SEPTIN9: variants seen among roughly 807,000 people sequenced by gnomAD.
The protein encoded by SEPTIN9 is septin-9.
In SEPTIN9, 13 loss-of-function variants were observed where a neutral mutation model predicts 56.6. The ratio of observed to expected loss-of-function variants is 0.23; its 90% CI spans 0.15 to 0.37. The LOEUF (loss-of-function observed/expected upper bound fraction) is 0.37. Ranked by LOEUF, SEPTIN9 falls within the 10% of genes least tolerant of loss-of-function variation. SEPTIN9 has a pLI of 1.00. For synonymous variants in SEPTIN9, 332 were observed against 334.1 expected, an observed-to-expected ratio of 0.99 and a Z score of 0.07; for missense variants, 650 against 823.1, an observed-to-expected ratio of 0.79 and a Z score of 2.57.
At position 77,395,910 on chromosome 17, in the gene SEPTIN9, C is replaced by T. The variant is rs909227757; in HGVS notation, c.77-6149C>T. 2.0e-5 allele frequency among the ~76,000 whole-genome samples: 3 copies of T among 152,212 alleles called. No homozygotes were observed. The South Asian group carries it at 6.2e-4, about 31-fold the overall frequency. Reference sequence around the variant, plus strand: ...AGTTTAATGCTGATGCAAATGTCCTCGTACGTAAATCTTTCTGTACTTCTG... The same window carrying T: ...AGTTTAATGCTGATGCAAATGTCCTTGTACGTAAATCTTTCTGTACTTCTG... On this transcript the variant is annotated intron_variant, in intron 2 of 11. Transcript: ENST00000427177.
At chr17:77,324,076 G>T (rs1211604177) in intron 2 of SEPTIN9, among the ~76,000 whole-genome samples, 1 of 152,208 alleles carries the variant, frequency 6.6e-6, no homozygotes, top group South Asian at 2.1e-4. Context: ...AACCCTTGGC[G>T]TTCCTTGGCT....
chr17:77,488,134 G>A (rs991241936), intron 5 of SEPTIN9, 106 bp from the exon 6 acceptor site: 1 of 1,009,396 alleles, frequency 9.9e-7, no homozygotes, highest in African/African-American at 1.6e-5. Flanking sequence ...TGTCTCCTTG[G>A]TTGTCATCGC....
chr17:77,444,860 A>G, intron 3 of SEPTIN9: 1 of 314,470 alleles, frequency 3.2e-6, no homozygotes, highest in Non-Finnish European at 6.5e-6. Flanking sequence ...GTGTAGACCT[A>G]CTTTGAGAGG....
At position 77,307,134 on chromosome 17, in the gene SEPTIN9, T is replaced by A; in HGVS notation, c.20-7T>A. ...GTGTGACCTTTGCCCTTTGTCTCTG[T>A]CTTTAGGAGGCACGCGGACCTCCAG... On this transcript the variant is annotated splice_polypyrimidine_tract_variant and splice_region_variant and intron_variant, in intron 1 of 11. Transcript: ENST00000427177. 6.2e-7 allele frequency: 1 copy of A among 1,613,872 alleles called. No individual in the cohort carries two copies. The highest frequency in any genetic ancestry group is 8.5e-7 in the Non-Finnish European group (1 of 1,179,784).
Position 77,371,776 on chromosome 17 carries a change from T to C in SEPTIN9, c.77-30283T>C, listed in dbSNP as rs2034726493. Among the ~76,000 whole-genome samples the C allele has an allele frequency of 6.6e-6, 1 of 152,334 alleles. No individual in the cohort carries two copies. The highest frequency in any genetic ancestry group is 2.1e-4 in the South Asian group (1 of 4,826). On this transcript the variant is annotated intron_variant, in intron 2 of 11. Coordinates refer to ENST00000427177, the MANE Select transcript of SEPTIN9 (RefSeq NM_001113491.2). The surrounding 1 kb of genome is among the most constrained non-coding windows in gnomAD (Gnocchi z 4.1). ...CGAGGGTGTGCACGCATCTGAAATG[T>C]CTGTGGTTTTGCAGTTCCCATGTCC... is the stretch of plus-strand genomic sequence containing the variant.
At chr17:77,393,579 T>C (rs2035612375) in intron 2 of SEPTIN9, among the ~76,000 whole-genome samples, 1 of 150,866 alleles carries the variant, frequency 6.6e-6, no homozygotes, top group East Asian at 2.0e-4. Context: ...GGGAATCTTA[T>C]TTTTTATTTA....
intron 3 of SEPTIN9, among the ~76,000 whole-genome samples, chr17:77,409,603 G>A (rs2036217985): frequency 1.3e-5 from 2 of 152,228 alleles, no homozygotes; most frequent in South Asian, 4.1e-4. Flanking sequence ...GCCCCAGGAT[G>A]GAGCCCCGGC....
intron 2 of SEPTIN9, among the ~76,000 whole-genome samples, chr17:77,336,569 G>T (rs1270019156): frequency 6.6e-6 from 1 of 152,144 alleles, no homozygotes; most frequent in Non-Finnish European, 1.5e-5. Flanking sequence ...CTGCTAGTAT[G>T]TAAAAATACA....
chr17:77,457,482 G>A (rs1339710666), intron 3 of SEPTIN9, among the ~76,000 whole-genome samples: 2 of 152,202 alleles, frequency 1.3e-5, no homozygotes, highest in East Asian at 1.9e-4. Flanking sequence ...GACGTTAAGC[G>A]AGTTCCGTGT....
chr17:77,452,285 C>A (rs2038009856), intron 3 of SEPTIN9, among the ~76,000 whole-genome samples: 1 of 150,484 alleles, frequency 6.6e-6, no homozygotes, highest in African/African-American at 2.5e-5. Flanking sequence ...GCTGGGAGAA[C>A]CCCAGAGACT....
chr17:77,290,502 A>G (rs112460217), intron 1 of SEPTIN9, among the ~76,000 whole-genome samples: 39,543 of 150,692 alleles, frequency 0.26, 5,650 homozygotes, highest in African/African-American at 0.39. Context: ...CTCGTGATCC[A>G]CTCGCCTCAG....
intron 2 of SEPTIN9, among the ~76,000 whole-genome samples, chr17:77,331,445 G>A (rs1272388695): frequency 6.6e-6 from 1 of 152,016 alleles, no homozygotes; most frequent in African/African-American, 2.4e-5. Context: ...GTGTGGGTGG[G>A]GGGAGGTTAT....
In SEPTIN9 at chr17:77,498,675, C is replaced by CCCCCGGAG; in HGVS notation, c.*20_*21insCGGAGCCC. On this transcript the variant is annotated 3_prime_UTR_variant, in exon 12 of 12. Coordinates refer to ENST00000427177, the MANE Select transcript of SEPTIN9 (RefSeq NM_001113491.2). Reference sequence around the variant, plus strand: ...GAGATGTAGACGCCACCCTGCCCACCCCCGGGATCCTGCCCCCAAGTCATT... The same window carrying CCCCCGGAG: ...GAGATGTAGACGCCACCCTGCCCACCCCCCGGAGCCCGGGATCCTGCCCCCAAGTCATT... The CCCCCGGAG allele has an allele frequency of 1.3e-6, 2 of 1,525,128 alleles. No individual in the cohort carries two copies. The highest frequency in any genetic ancestry group is 2.2e-4 in the Middle Eastern group (1 of 4,604). 94.5% of individuals were successfully genotyped at this position (1,525,128 alleles called of 1,614,324 possible). A position where few individuals can be genotyped will look rare whatever the true frequency, so the allele number is the denominator to read the frequency against.
intron 3 of SEPTIN9, among the ~76,000 whole-genome samples, chr17:77,472,284 G>GC (rs1331126399): frequency 1.3e-5 from 2 of 152,186 alleles, no homozygotes; most frequent in Non-Finnish European, 2.9e-5. Context: ...TGGCAGAAAG[G>GC]CAAAACTGCT....
At position 77,499,380 on chromosome 17, in the gene SEPTIN9, C is replaced by T. The variant is rs534021072; in HGVS notation, c.*722C>T. 36 of 555,678 alleles carry T rather than the reference C, an allele frequency of 6.5e-5. No homozygotes were observed. In the Middle Eastern group the frequency reaches 8.4e-4, roughly 13 times the overall value. The allele number at this position is 555,678 out of a possible 1,614,324, so 34.4% of individuals were successfully genotyped here. A position where few individuals can be genotyped will look rare whatever the true frequency, so the allele number is the denominator to read the frequency against. On this transcript the variant is annotated 3_prime_UTR_variant, in exon 12 of 12. Coordinates refer to ENST00000427177, the MANE Select transcript of SEPTIN9 (RefSeq NM_001113491.2). ...TCATCTCCCTGCCATCCCCCTCTCACGCCACCCCCGCCCCCACCGGGCTGC... is the reference window on the plus strand; with the variant it reads ...TCATCTCCCTGCCATCCCCCTCTCATGCCACCCCCGCCCCCACCGGGCTGC...
intron 2 of SEPTIN9, among the ~76,000 whole-genome samples, chr17:77,349,239 C>T (rs2033982458): frequency 6.6e-6 from 1 of 152,200 alleles, no homozygotes; most frequent in South Asian, 2.1e-4. Context: ...GCCTCAGCCT[C>T]CCAAGTAGCT....
chr17:77,451,334 T>G lies in SEPTIN9; in HGVS notation c.722-30810T>G. The G allele has an allele frequency of 2.0e-6, 2 of 984,648 alleles. No individual in the cohort carries two copies. Among genetic ancestry groups the G allele is most frequent in the Non-Finnish European group, 2.4e-6 (2 of 828,954 alleles). The allele number at this position is 984,648 out of a possible 1,614,324, so 61.0% of individuals were successfully genotyped here. On this transcript the variant is annotated intron_variant, in intron 3 of 11. Coordinates refer to ENST00000427177, the MANE Select transcript of SEPTIN9 (RefSeq NM_001113491.2). This position sits in a 1 kb window ranked among gnomAD's most constrained non-coding sequence, Gnocchi z 4.2. The stretch of plus-strand genomic sequence containing the variant: ...TCCTGCTCCCCTCGCCCTGCCCCCT[T>G]GGAGCAATTCCCCACCGAGCCTCCC...
intron 11 of SEPTIN9, among the ~76,000 whole-genome samples, chr17:77,498,283 T>G (rs1174927719): frequency 6.6e-6 from 1 of 151,906 alleles, no homozygotes; most frequent in African/African-American, 2.4e-5. Context: ...CACTGGAATA[T>G]GTGTGTTCTG....
At chr17:77,479,454 G>A (rs547046742) in intron 3 of SEPTIN9, among the ~76,000 whole-genome samples, 40 of 152,372 alleles carry the variant, frequency 2.6e-4, no homozygotes, top group Admixed American at 1.1e-3. Flanking sequence ...CGGGCCAGCC[G>A]GGGCCTGCAA....
Sources: gnomAD v4.1 joint callset for allele counts (sites outside exome capture counted in the v4.1 genomes callset) on GRCh38, gnomAD v4.1.1 for gene constraint, Gnocchi (gnomAD v3.1) non-coding constraint, MANE v1.5 for transcripts, NCBI Gene and HGNC (gene_info 2026-07-23, HGNC 2026-07-21) for gene names.